The following SRM variants were observed in gnomAD, a reference collection of about 807,000 sequenced individuals.
The protein encoded by SRM is spermidine synthase.
In SRM, 14 loss-of-function variants were observed where a neutral mutation model predicts 39.3. That is an observed-to-expected ratio of 0.36 (90% CI 0.24 to 0.56). SRM has a LOEUF of 0.56. Among genes scored for constraint, SRM ranks in the 20% least tolerant of loss-of-function variants. The pLI, the probability that SRM is intolerant of heterozygous loss-of-function variation, is 0.86. For missense variants in SRM, 244 were observed against 409.2 expected, an observed-to-expected ratio of 0.60 and a Z score of 3.48; for synonymous variants, 195 against 173.1, an observed-to-expected ratio of 1.13 and a Z score of -0.99.
Position 11,059,369 on chromosome 1 carries a change from G to A in SRM, c.168-24C>T, listed in dbSNP as rs770989288. 12 of 1,611,234 alleles carry A rather than the reference G, an allele frequency of 7.4e-6. 1 individual carries two copies. The Admixed American group carries it at 2.0e-4, about 27-fold the overall frequency. Reference sequence around the variant, plus strand: ...TACTGCGGGCGGAGTGACAGTCGGGGACCTGGGTTCTCTGGGGTGGGGAAA... The same window carrying A: ...TACTGCGGGCGGAGTGACAGTCGGGAACCTGGGTTCTCTGGGGTGGGGAAA... On this transcript the variant is annotated intron_variant, in intron 1 of 7. Coordinates refer to ENST00000376957, the MANE Select transcript of SRM (RefSeq NM_003132.3).
intron 6 of SRM, 80 bp from the exon 7 acceptor site, chr1:11,055,164 C>G (rs1638850083): frequency 6.7e-7 from 1 of 1,491,342 alleles, no homozygotes. Flanking sequence ...TGTTGCCACG[C>G]TGGAGTGCAG....
intron 5 of SRM, 33 bp downstream of exon 5, chr1:11,055,978 G>T (rs768872593): frequency 9.8e-7 from 1 of 1,024,194 alleles, no homozygotes; most frequent in Non-Finnish European, 1.4e-6. Flanking sequence ...GCCCCACCCC[G>T]CCCCGCCCCA....
chr1:11,058,581 A>T, intron 3 of SRM: 2 of 415,410 alleles, frequency 4.8e-6, no homozygotes, highest in Non-Finnish European at 8.5e-6. Context: ...AAAAAAAAAA[A>T]AATCAGCTCA....
At chr1:11,055,749 C>CCCACCCCCCCCCCCCCACACCCCCCACA in intron 6 of SRM, 32 bp downstream of exon 6, 1 of 1,507,932 alleles carries the variant, frequency 6.6e-7, no homozygotes, top group Non-Finnish European at 9.0e-7. Context: ...CACCTTCCCC[C>CCCACCCCCCCCCCCCCACACCCCCCACA]CAACCCCCAC....
chr1:11,058,247 G>C (rs2100922935), intron 3 of SRM, among the ~76,000 whole-genome samples: 1 of 152,278 alleles, frequency 6.6e-6, no homozygotes, highest in African/African-American at 2.4e-5. Context: ...TTGGGGCCCT[G>C]CCTGGGGCTC....
rs1047359905 is a variant in SRM at position 11,055,869 on chromosome 1, G to A, written c.677C>T (p.Ser226Phe). Residue 226 changes from serine (S) to phenylalanine (F), a missense_variant, in exon 6 of 8, where the codon TCC becomes TTC. Ser to Phe is a radical substitution (Grantham distance 155, BLOSUM62 -2). Transcript: ENST00000376957. Reference protein sequence around the residue: ...LIKEMRQFCQSLFPVVAYAYC... With the variant: ...LIKEMRQFCQFLFPVVAYAYC... ...GGCATAGGCCACCACGGGGAACAGG[G>A]ACTGGCAGAACTGCCGCATCTCCTT... 1 of 1,612,320 alleles carries A rather than the reference G, an allele frequency of 6.2e-7. No homozygotes were observed. Among genetic ancestry groups the A allele is most frequent in the South Asian group, 1.1e-5 (1 of 91,014 alleles).
Position 11,054,881 on chromosome 1 carries a change from A to G in SRM, c.893T>C (p.Leu298Pro), listed in dbSNP as rs752116769. ...CGCCTGGGCTCAGCTCACATCATTCAGGGCCTGGAGGGACATGAGGCCAGT... is the reference window on the plus strand; with the variant it reads ...CGCCTGGGCTCAGCTCACATCATTCGGGGCCTGGAGGGACATGAGGCCAGT... ...FVLPEFARKALNDVS is the reference protein window; with the variant it reads ...FVLPEFARKAPNDVS Residue 298 changes from leucine to proline, a missense_variant, in exon 8 of 8, where the codon CTG becomes CCG. By Grantham distance (98) the Leu-to-Pro change is moderately conservative (BLOSUM62 -3). Coordinates refer to ENST00000376957, the MANE Select transcript of SRM (RefSeq NM_003132.3). This position sits in a 1 kb window ranked among gnomAD's most constrained non-coding sequence, Gnocchi z 4.8. 2 of 1,609,960 alleles carry G rather than the reference A, an allele frequency of 1.2e-6. No homozygotes were observed. The highest frequency in any genetic ancestry group is 1.7e-6 in the Non-Finnish European group (2 of 1,178,682).
At chr1:11,055,253 C>A in intron 6 of SRM, 169 bp from the exon 7 acceptor site, 1 of 990,000 alleles carries the variant, frequency 1.0e-6, no homozygotes, top group South Asian at 1.9e-5. Flanking sequence ...GTACGCGCCA[C>A]CACGCCCGGC....
rs772617386 is a variant in SRM, at chr1:11,059,230, G to C, written c.283C>G (p.Arg95Gly). The change falls in exon 2 of 8, where the codon CGA becomes GGA. Residue 95 changes from arginine to glycine, a missense_variant. Transcript: ENST00000376957. ...NLPLCSHPNPRKVLIIGGGDG... is the reference protein window; with the variant it reads ...NLPLCSHPNPGKVLIIGGGDG... ...TCCAGGGGACACTGGGGTACCTTTCGCGGGTTGGGGTGGCTGCAGAGAGGC... is the reference window on the plus strand; with the variant it reads ...TCCAGGGGACACTGGGGTACCTTTCCCGGGTTGGGGTGGCTGCAGAGAGGC... 6.8e-6 allele frequency: 11 copies of C among 1,613,360 alleles called. No individual in the cohort carries two copies. The South Asian group carries it at 1.2e-4, about 18-fold the overall frequency.
Position 11,059,831 on chromosome 1 carries a change from T to A in SRM, c.113A>T (p.Glu38Val). 2 of 1,555,618 alleles carry A rather than the reference T, an allele frequency of 1.3e-6. No homozygotes were observed. The highest frequency in any genetic ancestry group is 8.6e-7 in the Non-Finnish European group (1 of 1,159,120). ...WPGQALSLQVEQLLHHRRSRY... is the reference protein window; with the variant it reads ...WPGQALSLQVVQLLHHRRSRY... ...CGAGCGCCGGTGGTGGAGCAGCTGC[T>A]CCACCTGCAGTGACAGGGCCTGGCC... Residue 38 changes from glutamate (E) to valine (V), a missense_variant, in exon 1 of 8, where the codon GAG (glutamate) becomes GTG (valine). Physicochemically the swap from Glu to Val is moderately radical, Grantham distance 121. Coordinates refer to ENST00000376957, the MANE Select transcript of SRM (RefSeq NM_003132.3).
At chr1:11,059,008 A>G in intron 2 of SRM, 116 bp from the exon 3 acceptor site, 1 of 1,305,780 alleles carries the variant, frequency 7.7e-7, no homozygotes, top group Non-Finnish European at 1.0e-6. Context: ...CTACCCTCGG[A>G]AACGCTTTCG....
intron 6 of SRM, 29 bp downstream of exon 6, chr1:11,055,750 CAA>C: frequency 1.4e-5 from 21 of 1,502,668 alleles, no homozygotes; most frequent in East Asian, 5.0e-5. Flanking sequence ...ACCTTCCCCC[CAA>C]CCCCCACCCC....
chr1:11,056,853 C>A (rs1638887687), intron 3 of SRM, 96 bp from the exon 4 acceptor site: 2 of 1,292,714 alleles, frequency 1.5e-6, no homozygotes, highest in Non-Finnish European at 2.2e-6. Flanking sequence ...CACAGGCAAG[C>A]CGCCTTGGCC....
At chr1:11,057,324 T>TTTTA (rs111454490) in intron 3 of SRM, among the ~76,000 whole-genome samples, 16,142 of 150,990 alleles carry the variant, frequency 0.11, 1,551 homozygotes, top group African/African-American at 0.23. Flanking sequence ...TCGCTTCCTA[T>TTTTA]TTTATTTATT....
intron 1 of SRM, chr1:11,059,563 A>G: frequency 1.1e-6 from 1 of 924,572 alleles, no homozygotes; most frequent in South Asian, 1.7e-5. Context: ...GAGGGCTGAC[A>G]CGTGGAGCGG....
At chr1:11,055,700 C>G in intron 6 of SRM, 81 bp downstream of exon 6, 1 of 1,446,446 alleles carries the variant, frequency 6.9e-7, no homozygotes, top group South Asian at 1.3e-5. Flanking sequence ...CAGGTGTGAG[C>G]CACCGCGCCC....
intron 4 of SRM, 59 bp from the exon 5 acceptor site, chr1:11,056,153 T>C: frequency 6.8e-7 from 1 of 1,465,550 alleles, no homozygotes. Context: ...AGGGCCACTG[T>C]CACCCACACA....
intron 1 of SRM, 134 bp from the exon 2 acceptor site, chr1:11,059,479 C>A (rs1439534893): frequency 1.4e-6 from 2 of 1,465,750 alleles, no homozygotes; most frequent in Admixed American, 4.0e-5. Flanking sequence ...TGACACGTGG[C>A]GAGGAACGGC....
intron 6 of SRM, among the ~76,000 whole-genome samples, chr1:11,055,453 T>C (rs926629929): frequency 2.0e-5 from 3 of 150,610 alleles, no homozygotes; most frequent in Non-Finnish European, 3.0e-5. Flanking sequence ...CTTCCTCTGT[T>C]ACCCAGGCTG....
Sources: gnomAD v4.1 joint callset for allele counts (sites outside exome capture counted in the v4.1 genomes callset) on GRCh38, gnomAD v4.1.1 for gene constraint, Gnocchi (gnomAD v3.1) non-coding constraint, MANE v1.5 for transcripts, NCBI Gene and HGNC (gene_info 2026-07-23, HGNC 2026-07-21) for gene names.